Variants in AATK observed in about 807,000 individuals in gnomAD.
AATK encodes the protein serine/threonine-protein kinase LMTK1.
A neutral mutation model predicts 114.3 loss-of-function variants in AATK; 91 were observed. The ratio of observed to expected loss-of-function variants is 0.80; its 90% CI spans 0.67 to 0.95. The LOEUF is 0.95. Among genes scored for constraint, AATK ranks in the 40% least tolerant of loss-of-function variants. AATK has a pLI of 0.00. For missense variants in AATK, 2,176 were observed against 1,965.2 expected (o/e 1.11, Z -2.03); for synonymous variants, 1,075 against 916.5 (o/e 1.17, Z -3.12).
At chr17:81,149,541 C>G (rs2061268230) in intron 1 of AATK, among the ~76,000 whole-genome samples, 1 of 152,138 alleles carries the variant, frequency 6.6e-6, no homozygotes, top group African/African-American at 2.4e-5. Context: ...GAGGACCCTG[C>G]TCACGCCTCC....
chr17:81,165,739 C>G lies in AATK; in HGVS notation c.55+199G>C, dbSNP rs766240332. 3.3e-6 allele frequency: 5 copies of G among 1,524,410 alleles called. No individual in the cohort carries two copies. The South Asian group carries it at 4.8e-5, about 15-fold the overall frequency. 94.4% of individuals were successfully genotyped at this position (1,524,410 alleles called of 1,614,324 possible). A position where few individuals can be genotyped will look rare whatever the true frequency, so the allele number is the denominator to read the frequency against. ...CACGCGGGGGACGCCAGCCCACAGG[C>G]GGAGGCCGGTTTGTGCTGGGGCCCA... On this transcript the variant is annotated intron_variant, in intron 1 of 13. Transcript: ENST00000326724.
At chr17:81,135,374 C>T (rs893511683) in intron 1 of AATK, among the ~76,000 whole-genome samples, 2 of 152,114 alleles carry the variant, frequency 1.3e-5, no homozygotes, top group African/African-American at 4.8e-5. Flanking sequence ...GCTCTATCCC[C>T]TGGGCCTGCC....
intron 1 of AATK, among the ~76,000 whole-genome samples, chr17:81,142,019 G>C (rs1375493149): frequency 6.9e-6 from 1 of 144,742 alleles, no homozygotes; most frequent in African/African-American, 2.6e-5. Context: ...GCAGTGGCAT[G>C]ATCTCAGCTC....
Position 81,131,184 on chromosome 17 carries a change from C to G in AATK, c.211G>C (p.Asp71His). The change falls in exon 3 of 14, where the codon GAC (aspartate) becomes CAC (histidine). Residue 71 changes from aspartate (D) to histidine (H), a missense_variant. Transcript: ENST00000326724. ...GFKEFENAEGDEYAADLAQGS... is the reference protein window; with the variant it reads ...GFKEFENAEGHEYAADLAQGS... Reference sequence around the variant, plus strand: ...TGCGCCAGGTCGGCTGCGTACTCGTCCCCCTCCGCATTCTCAAACTCCTGC... The same window carrying G: ...TGCGCCAGGTCGGCTGCGTACTCGTGCCCCTCCGCATTCTCAAACTCCTGC... The G allele has an allele frequency of 6.3e-7, 1 of 1,581,288 alleles. No homozygotes were observed. The highest frequency in any genetic ancestry group is 8.6e-7 in the Non-Finnish European group (1 of 1,166,078).
chr17:81,144,710 C>T (rs758710924), intron 1 of AATK, among the ~76,000 whole-genome samples: 2 of 152,268 alleles, frequency 1.3e-5, no homozygotes, highest in Admixed American at 6.5e-5. Flanking sequence ...GCCCAGCTCG[C>T]TCCTGTGAAT....
intron 1 of AATK, among the ~76,000 whole-genome samples, chr17:81,141,557 C>A (rs2061138911): frequency 6.6e-6 from 1 of 152,222 alleles, no homozygotes; most frequent in African/African-American, 2.4e-5. Flanking sequence ...TGCAACAGCC[C>A]TTCCAAGGGG....
chr17:81,121,789 C>A lies in AATK; in HGVS notation c.2147G>T (p.Arg716Leu). The A allele has an allele frequency of 6.4e-7, 1 of 1,563,216 alleles. No individual in the cohort carries two copies. The highest frequency in any genetic ancestry group is 1.7e-4 in the Middle Eastern group (1 of 5,760). Residue 716 changes from arginine (R) to leucine (L), a missense_variant, in exon 11 of 14, where the codon CGG (arginine) becomes CTG (leucine). Arg to Leu is a moderately radical substitution (Grantham distance 102). Around this residue, in one of 4 missense-constraint regions of AATK, gnomAD observed 1,701 missense variants for 1,394.7 expected, o/e 1.22. Coordinates refer to ENST00000326724, the MANE Select transcript of AATK (RefSeq NM_001080395.3). ...EGCPSPKQTP[R>L]ASPEPGYPGE... is the part of the protein sequence containing the mutation. ...AGGGTACCCCGGCTCGGGGGAGGCC[C>A]GTGGGGTCTGCTTTGGACTGGGGCA...
At chr17:81,138,430 TG>T (rs1454227248) in intron 1 of AATK, among the ~76,000 whole-genome samples, 11 of 108,960 alleles carry the variant, frequency 1.0e-4, no homozygotes, top group Non-Finnish European at 2.0e-4. Flanking sequence ...CCCATACACA[TG>T]CAAACACACC....
Position 81,121,978 on chromosome 17 carries a change from G to T in AATK, c.1958C>A (p.Ala653Glu). ...CTCGCCAGTCAGCGGCAGCGGGGGC[G>T]CCCCTGAGCTCCCCAAAGGGGACGT... ...LGTSPLGSSG[A>E]PPLPLTGEDE... The change falls in exon 11 of 14, where the codon GCG (alanine) becomes GAG (glutamate). Residue 653 changes from alanine to glutamate, a missense_variant. By Grantham distance (107) the Ala-to-Glu change is moderately radical (BLOSUM62 -1). Transcript: ENST00000326724. The T allele has an allele frequency of 1.9e-6, 3 of 1,600,110 alleles. No homozygotes were observed. Among genetic ancestry groups the T allele is most frequent in the South Asian group, 1.1e-5 (1 of 90,988 alleles).
At position 81,121,978 on chromosome 17, in the gene AATK, G is replaced by A. The variant is rs762845072; in HGVS notation, c.1958C>T (p.Ala653Val). The change falls in exon 11 of 14, where the codon GCG becomes GTG. Residue 653 changes from alanine (A) to valine (V), a missense_variant. By Grantham distance (64) the Ala-to-Val change is moderately conservative. Transcript: ENST00000326724. Reference protein sequence around the residue: ...LGTSPLGSSGAPPLPLTGEDE... With the variant: ...LGTSPLGSSGVPPLPLTGEDE... ...CTCGCCAGTCAGCGGCAGCGGGGGC[G>A]CCCCTGAGCTCCCCAAAGGGGACGT... 13 of 1,599,992 alleles carry A rather than the reference G, an allele frequency of 8.1e-6. No homozygotes were observed. Among genetic ancestry groups the A allele is most frequent in the Admixed American group, 6.7e-5 (4 of 59,892 alleles).
intron 9 of AATK, among the ~76,000 whole-genome samples, chr17:81,123,872 C>T (rs1170871534): frequency 6.6e-6 from 1 of 152,128 alleles, no homozygotes; most frequent in Non-Finnish European, 1.5e-5. Flanking sequence ...GTGGCTTCAC[C>T]CAGCCACTTT....
At chr17:81,158,275 G>A (rs990429345) in intron 1 of AATK, among the ~76,000 whole-genome samples, 9 of 152,222 alleles carry the variant, frequency 5.9e-5, no homozygotes, top group African/African-American at 1.4e-4. Context: ...AGCAGGGTCC[G>A]TCCTCCCCGT....
intron 13 of AATK, 137 bp downstream of exon 13, chr17:81,119,237 GGAAGGA>G (rs2146276819): frequency 4.4e-6 from 1 of 225,424 alleles, no homozygotes; most frequent in Non-Finnish European, 6.5e-6. Context: ...TCTGGGGCCG[GGAAGGA>G]GCGGGGCCGG....
At chr17:81,148,064 CAAA>C (rs35731140) in intron 1 of AATK, among the ~76,000 whole-genome samples, 354 of 101,786 alleles carry the variant, frequency 3.5e-3, no homozygotes, top group African/African-American at 0.013. Context: ...ACAACTTTGT[CAAA>C]AAAAAAAAAA....
chr17:81,119,589 C>A lies in AATK; in HGVS notation c.3884-9G>T, dbSNP rs753713332. The A allele has an allele frequency of 1.3e-6, 2 of 1,551,664 alleles. No individual in the cohort carries two copies. The highest frequency in any genetic ancestry group is 5.0e-5 in the East Asian group (2 of 40,180). On this transcript the variant is annotated splice_polypyrimidine_tract_variant and intron_variant, in intron 12 of 13. Coordinates refer to ENST00000326724, the MANE Select transcript of AATK (RefSeq NM_001080395.3). ...CCACGCGAACCCACCACCTGCAGCC[C>A]AGGTCGCGGCGTCACTCGCGCTCAC...
rs1483880084 is a variant in AATK at position 81,140,857 on chromosome 17, G to A, written c.56-6356C>T. On this transcript the variant is annotated intron_variant, in intron 1 of 13. Coordinates refer to ENST00000326724, the MANE Select transcript of AATK (RefSeq NM_001080395.3). ...CCGTGGGGCCGTGAGCCGTGGGGCTGTGGGGCCGTGAGCCGTGGGGCCGTG... is the reference window on the plus strand; with the variant it reads ...CCGTGGGGCCGTGAGCCGTGGGGCTATGGGGCCGTGAGCCGTGGGGCCGTG... Among the ~76,000 whole-genome samples the A allele has an allele frequency of 6.7e-5, 9 of 134,112 alleles. 1 individual carries two copies. The highest frequency in any genetic ancestry group is 3.1e-4 in the African/African-American group (9 of 28,654). The allele number at this position is 134,112 out of a possible 152,430, so 88.0% of individuals were successfully genotyped here.
intron 1 of AATK, among the ~76,000 whole-genome samples, chr17:81,160,715 C>A (rs1178454593): frequency 2.6e-5 from 4 of 152,232 alleles, no homozygotes; most frequent in African/African-American, 4.8e-5. Context: ...GGCTCCCACC[C>A]AGGAGTGGTC....
chr17:81,148,762 GC>G (rs1312366042), intron 1 of AATK, among the ~76,000 whole-genome samples: 5 of 151,986 alleles, frequency 3.3e-5, no homozygotes, highest in Non-Finnish European at 5.9e-5. Context: ...AAATGCACAC[GC>G]TCCCACTCAC....
chr17:81,121,387 G>C lies in AATK; in HGVS notation c.2549C>G (p.Ser850Cys). The change falls in exon 11 of 14, where the codon TCT (serine) becomes TGT (cysteine). Residue 850 changes from serine to cysteine, a missense_variant. By Grantham distance (112) the Ser-to-Cys change is moderately radical (BLOSUM62 -1). Around this residue, in one of 4 missense-constraint regions of AATK, gnomAD observed 1,701 missense variants for 1,394.7 expected, o/e 1.22. Transcript: ENST00000326724. ...ACTGCTGGGTGCCTCCACCTCGGGAGAGCTGCTGCTGCCATTCAGGGCAGA... is the reference window on the plus strand; with the variant it reads ...ACTGCTGGGTGCCTCCACCTCGGGACAGCTGCTGCTGCCATTCAGGGCAGA... ...LASALNGSSSSPEVEAPSSED... is the reference protein window; with the variant it reads ...LASALNGSSSCPEVEAPSSED... 1.2e-6 allele frequency: 2 copies of C among 1,609,822 alleles called. No individual in the cohort carries two copies. The highest frequency in any genetic ancestry group is 1.7e-4 in the Middle Eastern group (1 of 6,052).
Sources: allele counts gnomAD v4.1 joint callset (sites outside exome capture counted in the v4.1 genomes callset), GRCh38; gene constraint gnomAD v4.1.1; regional missense constraint gnomAD v4.1.1; transcripts MANE v1.5; gene names NCBI Gene and HGNC (gene_info 2026-07-23, HGNC 2026-07-21).